Variants in SIN3A observed in about 807,000 individuals in gnomAD.
SIN3A encodes SIN3 transcription regulator family member A.
A neutral mutation model predicts 146.1 loss-of-function variants in SIN3A; 14 were observed. That is an observed-to-expected ratio of 0.10 (90% confidence interval 0.06 to 0.15). SIN3A has a LOEUF of 0.15. Ranked by LOEUF, SIN3A falls within the 10% of genes least tolerant of loss-of-function variation. SIN3A has a pLI of 1.00. For synonymous variants in SIN3A, 572 were observed against 572.0 expected (o/e 1.00, Z 0.00); for missense variants, 1,028 against 1,576.0 (o/e 0.65, Z 5.89).
intron 17 of SIN3A, 113 bp from the exon 18 acceptor site, chr15:75,381,818 G>A (rs2072977511): frequency 3.5e-6 from 3 of 848,346 alleles, no homozygotes; most frequent in Non-Finnish European, 5.7e-6. Context: ...TGCTCCAACT[G>A]AAGAGATGAG....
At chr15:75,413,860 C>T (rs2141503472) in intron 4 of SIN3A, among the ~76,000 whole-genome samples, 1 of 152,334 alleles carries the variant, frequency 6.6e-6, no homozygotes, top group East Asian at 1.9e-4. Flanking sequence ...CACACATCTA[C>T]ATTGTTCAGA....
At chr15:75,454,675 A>ACACGCC (rs1177898815), upstream of SIN3A, among the ~76,000 whole-genome samples, 5 of 150,428 alleles carry the variant, frequency 3.3e-5, no homozygotes, top group South Asian at 4.2e-4. Context: ...GTGGGCGCGC[A>ACACGCC]CACGCCCGCG....
Position 75,411,728 on chromosome 15 carries a change from C to T in SIN3A, c.772G>A (p.Ala258Thr). ...AKVSKPSQLQ[A>T]HTPASQQTPP... ...GTCTGCTGACTGGCCGGAGTATGTG[C>T]TTGCAGTTGGGAGGGCTAGAAAGAA... The change falls in exon 6 of 21, where the codon GCA becomes ACA. Residue 258 changes from alanine (A) to threonine (T), a missense_variant. Around this residue, in one of 9 missense-constraint regions of SIN3A, gnomAD observed 112 missense variants for 135.7 expected, o/e 0.83. Coordinates refer to ENST00000394947, the MANE Select transcript of SIN3A (RefSeq NM_001145358.2). 6.2e-7 allele frequency: 1 copy of T among 1,601,148 alleles called. No homozygotes were observed. Among genetic ancestry groups the T allele is most frequent in the East Asian group, 2.2e-5 (1 of 44,650 alleles).
chr15:75,403,908 A>G (rs1272741433), intron 9 of SIN3A, among the ~76,000 whole-genome samples: 6 of 152,192 alleles, frequency 3.9e-5, no homozygotes, highest in African/African-American at 1.4e-4. Context: ...AACTCTGGTA[A>G]TCTGGAATAA....
intron 1 of SIN3A, among the ~76,000 whole-genome samples, chr15:75,442,617 TAAAAAAA>T (rs374599694): frequency 1.2e-4 from 15 of 123,100 alleles, no homozygotes; most frequent in Admixed American, 5.1e-4. Flanking sequence ...ATCCCATCTT[TAAAAAAA>T]AAAAAAAAAA....
chr15:75,389,003 C>T (rs917642415), intron 16 of SIN3A, among the ~76,000 whole-genome samples: 1 of 152,148 alleles, frequency 6.6e-6, no homozygotes, highest in Non-Finnish European at 1.5e-5. Flanking sequence ...AACATGTTTA[C>T]AAGTTCCCAG....
rs533560316 is a variant in SIN3A at position 75,382,805 on chromosome 15, G to A, written c.3196-1100C>T. Among the ~76,000 whole-genome samples, 7 of 151,780 alleles carry A rather than the reference G, an allele frequency of 4.6e-5. No homozygotes were observed. In the South Asian group the frequency reaches 8.3e-4, roughly 18 times the overall value. ...CTACTAAAAATACAAAAATTAGACC[G>A]GGTGCAGTGGCTCATGCCTGTAATC... On this transcript the variant is annotated intron_variant, in intron 17 of 20. Transcript: ENST00000394947.
upstream of SIN3A, chr15:75,453,699 G>A (rs2074444429): frequency 6.6e-6 from 1 of 152,316 alleles, no homozygotes; most frequent in Non-Finnish European, 1.5e-5. Flanking sequence ...GAGTTCTCGA[G>A]CTTAAGCTCA....
rs2073275184 is a variant in SIN3A at position 75,394,928 on chromosome 15, T to C, written c.2094-65A>G. On this transcript the variant is annotated intron_variant, in intron 13 of 20. Coordinates refer to ENST00000394947, the MANE Select transcript of SIN3A (RefSeq NM_001145358.2). ...TCAGAGGGTTTAGAAGAAAGAAATTTGCCAGGCTTACTTTAGTTAAAGAAA... is the reference window on the plus strand; with the variant it reads ...TCAGAGGGTTTAGAAGAAAGAAATTCGCCAGGCTTACTTTAGTTAAAGAAA... 8.1e-6 allele frequency: 12 copies of C among 1,480,708 alleles called. No homozygotes were observed. In the East Asian group the frequency reaches 2.7e-4, roughly 34 times the overall value. The allele number at this position is 1,480,708 out of a possible 1,614,324, so 91.7% of individuals were successfully genotyped here.
intron 8 of SIN3A, among the ~76,000 whole-genome samples, chr15:75,407,976 C>G (rs1284387362): frequency 6.7e-6 from 1 of 148,758 alleles, no homozygotes; most frequent in Non-Finnish European, 1.5e-5. Flanking sequence ...CTAAAGGGAA[C>G]CAACAGGCCA....
At chr15:75,434,677 C>A (rs1349052453) in intron 1 of SIN3A, among the ~76,000 whole-genome samples, 3 of 148,986 alleles carry the variant, frequency 2.0e-5, no homozygotes. Flanking sequence ...GGTCAGGCGC[C>A]GTGGCTCACA....
rs572115428 is a variant in SIN3A at position 75,370,584 on chromosome 15, G to A, written c.*1395C>T. 2.0e-4 allele frequency: 31 copies of A among 152,168 alleles called. No individual in the cohort carries two copies. Among genetic ancestry groups the A allele is most frequent in the African/African-American group, 7.5e-4 (31 of 41,520 alleles). 9.4% of individuals were successfully genotyped at this position (152,168 alleles called of 1,614,324 possible). Reference sequence around the variant, plus strand: ...CTCTCCCTCCCAACTCCATTTATAAGGTATACCACATGCCTTATGCACACT... The same window carrying A: ...CTCTCCCTCCCAACTCCATTTATAAAGTATACCACATGCCTTATGCACACT... On this transcript the variant is annotated 3_prime_UTR_variant, in exon 21 of 21. Coordinates refer to ENST00000394947, the MANE Select transcript of SIN3A (RefSeq NM_001145358.2).
At chr15:75,372,475 C>T (rs962941051) in intron 20 of SIN3A, among the ~76,000 whole-genome samples, 3 of 152,184 alleles carry the variant, frequency 2.0e-5, no homozygotes, top group South Asian at 2.1e-4. Context: ...TGAAAAAGCT[C>T]GCTGTTCTCA....
chr15:75,426,969 T>C (rs1226698359), intron 2 of SIN3A, among the ~76,000 whole-genome samples: 5 of 151,810 alleles, frequency 3.3e-5, no homozygotes, highest in African/African-American at 4.8e-5. Flanking sequence ...CAGGTTGATA[T>C]AGATGAGCTT....
chr15:75,409,747 C>G, intron 8 of SIN3A, 89 bp downstream of exon 8: 1 of 1,424,990 alleles, frequency 7.0e-7, no homozygotes. Flanking sequence ...AAAAAAACAA[C>G]AACAACAAAA....
chr15:75,450,883 AG>A (rs553417700), intron 1 of SIN3A, among the ~76,000 whole-genome samples: 1 of 151,522 alleles, frequency 6.6e-6, no homozygotes, highest in East Asian at 2.0e-4. Context: ...GGCGGGGTGC[AG>A]GGGGGGACGG....
At chr15:75,384,150 G>C (rs2141395598) in intron 17 of SIN3A, 114 bp downstream of exon 17, 1 of 696,212 alleles carries the variant, frequency 1.4e-6, no homozygotes, top group African/African-American at 1.8e-5. Context: ...CTCATTAAAA[G>C]GTCCAGGAGT....
intron 13 of SIN3A, among the ~76,000 whole-genome samples, chr15:75,395,474 G>A (rs2073284870): frequency 6.6e-6 from 1 of 152,194 alleles, no homozygotes; most frequent in South Asian, 2.1e-4. Context: ...GCCAGCTCTT[G>A]AGGGGAAGAT....
At chr15:75,397,639 C>T (rs2073329700) in intron 12 of SIN3A, among the ~76,000 whole-genome samples, 1 of 152,202 alleles carries the variant, frequency 6.6e-6, no homozygotes, top group Non-Finnish European at 1.5e-5. Flanking sequence ...GTTGTCTGTA[C>T]TGAGGCATTA....
Sources: allele counts gnomAD v4.1 joint callset (sites outside exome capture counted in the v4.1 genomes callset), GRCh38; gene constraint gnomAD v4.1.1; regional missense constraint gnomAD v4.1.1; transcripts MANE v1.5; gene names NCBI Gene and HGNC (gene_info 2026-07-23, HGNC 2026-07-21).